Variants in IL1RAPL1 observed in about 807,000 individuals in gnomAD.
The protein encoded by IL1RAPL1 is interleukin 1 receptor accessory protein like 1.
IL1RAPL1 carries 3 observed loss-of-function variants against 48.4 expected under a neutral mutation model. The observed-to-expected ratio is 0.06, with a 90% CI of 0.03 to 0.16. The LOEUF is 0.16. IL1RAPL1 is among the 10% of genes least tolerant of loss of function. The probability of loss-of-function intolerance (pLI) is 1.00; values close to 1 mark genes in which losing one functional copy is unlikely to be tolerated. For missense variants in IL1RAPL1, 349 were observed against 530.6 expected (o/e 0.66, Z 3.36); for synonymous variants, 185 against 187.7 (o/e 0.99, Z 0.12).
At chrX:28,706,872 T>C (rs930364464) in intron 1 of IL1RAPL1, among the ~76,000 whole-genome samples, 2 of 112,167 alleles carry the variant, frequency 1.8e-5, no homozygotes, top group Admixed American at 9.5e-5. Context: ...TGTACGTTTT[T>C]GGGGGCCAGA....
At chrX:29,838,808 G>A (rs1453368448) in intron 6 of IL1RAPL1, among the ~76,000 whole-genome samples, 2 of 111,861 alleles carry the variant, frequency 1.8e-5, no homozygotes, top group East Asian at 5.6e-4. Flanking sequence ...AAGACAATTT[G>A]GGGTGGGCTC....
At chrX:29,294,861 T>C (rs1422046196) in intron 3 of IL1RAPL1, among the ~76,000 whole-genome samples, 1 of 111,283 alleles carries the variant, frequency 9.0e-6, no homozygotes, top group Non-Finnish European at 1.9e-5. Flanking sequence ...GGGCTTTCTG[T>C]AGGTGATAGT....
chrX:29,470,908 T>C (rs1481357888), intron 5 of IL1RAPL1, among the ~76,000 whole-genome samples: 2 of 112,010 alleles, frequency 1.8e-5, no homozygotes, highest in Non-Finnish European at 3.8e-5. Flanking sequence ...GCCTGGTTTA[T>C]TGACATGAGC....
At chrX:29,621,580 T>C (rs1188505882) in intron 5 of IL1RAPL1, among the ~76,000 whole-genome samples, 2 of 111,387 alleles carry the variant, frequency 1.8e-5, no homozygotes, top group Non-Finnish European at 3.8e-5. Context: ...TTCATACTTA[T>C]GGGAGAAGTG....
intron 2 of IL1RAPL1, among the ~76,000 whole-genome samples, chrX:29,256,882 C>T: frequency 9.0e-6 from 1 of 111,044 alleles, no homozygotes; most frequent in African/African-American, 3.3e-5. Flanking sequence ...TTGAGGAGAC[C>T]TTAGGCTGAG....
At chrX:29,593,569 C>T (rs888285915) in intron 5 of IL1RAPL1, among the ~76,000 whole-genome samples, 1 of 111,549 alleles carries the variant, frequency 9.0e-6, no homozygotes, top group Non-Finnish European at 1.9e-5. Flanking sequence ...AGTTGTATCT[C>T]CTTTCATGTT....
intron 2 of IL1RAPL1, among the ~76,000 whole-genome samples, chrX:29,056,464 T>G (rs1927216161): frequency 8.9e-6 from 1 of 111,775 alleles, no homozygotes; most frequent in South Asian, 3.7e-4. Flanking sequence ...AAATCTTTCA[T>G]ATACGTGTTT....
chrX:28,604,719 CAA>C (rs778056286), intron 1 of IL1RAPL1, among the ~76,000 whole-genome samples: 9 of 27,967 alleles, frequency 3.2e-4, no homozygotes, highest in Middle Eastern at 0.019. Flanking sequence ...GAGCGAGACT[CAA>C]AAAAAAAAAA....
intron 3 of IL1RAPL1, among the ~76,000 whole-genome samples, chrX:29,360,025 G>T (rs992597031): frequency 2.7e-5 from 3 of 111,478 alleles, no homozygotes; most frequent in Non-Finnish European, 5.6e-5. Context: ...TATATGAGGG[G>T]GTGGGGAGCT....
intron 5 of IL1RAPL1, among the ~76,000 whole-genome samples, chrX:29,432,924 G>A (rs1464389194): frequency 1.8e-5 from 2 of 111,151 alleles, no homozygotes; most frequent in Non-Finnish European, 3.8e-5. Flanking sequence ...TGTACATGTG[G>A]AAAATAAGAC....
chrX:29,232,924 T>G (rs1931227180), intron 2 of IL1RAPL1, among the ~76,000 whole-genome samples: 1 of 109,850 alleles, frequency 9.1e-6, no homozygotes, highest in South Asian at 3.9e-4. Context: ...TCGGCCTCCC[T>G]TGGAGCTGGG....
intron 6 of IL1RAPL1, among the ~76,000 whole-genome samples, chrX:29,715,297 A>G (rs762694792): frequency 9.0e-6 from 1 of 111,532 alleles, no homozygotes; most frequent in Admixed American, 9.6e-5. Context: ...GCTTATTAAA[A>G]CAAAAGACTG....
intron 1 of IL1RAPL1, among the ~76,000 whole-genome samples, chrX:28,743,698 C>T (rs1030765729): frequency 9.1e-6 from 1 of 109,621 alleles, no homozygotes; most frequent in African/African-American, 3.3e-5. Flanking sequence ...TAGTCTTCTC[C>T]ATCACCGATT....
intron 5 of IL1RAPL1, among the ~76,000 whole-genome samples, chrX:29,434,128 TTTTA>T (rs1218265203): frequency 9.1e-6 from 1 of 110,344 alleles, no homozygotes; most frequent in Non-Finnish European, 1.9e-5. Context: ...AATTTCCAGT[TTTTA>T]TTTATCATAA....
intron 2 of IL1RAPL1, among the ~76,000 whole-genome samples, chrX:29,015,601 C>T (rs1395039588): frequency 9.0e-6 from 1 of 111,133 alleles, no homozygotes; most frequent in East Asian, 2.8e-4. Context: ...TTGGGGAATT[C>T]CTGAGATTTC....
intron 3 of IL1RAPL1, among the ~76,000 whole-genome samples, chrX:29,336,738 T>C (rs1933002375): frequency 9.0e-6 from 1 of 111,230 alleles, no homozygotes; most frequent in Non-Finnish European, 1.9e-5. Context: ...TGTTACCAGA[T>C]TGAGGGGGGA....
chrX:28,951,730 A>T (rs915919889), intron 2 of IL1RAPL1, among the ~76,000 whole-genome samples: 1 of 111,609 alleles, frequency 9.0e-6, no homozygotes, highest in Non-Finnish European at 1.9e-5. Context: ...AATTGAGAAA[A>T]ATAAAAAAGT....
At chrX:29,662,126 C>A (rs570347872) in intron 5 of IL1RAPL1, among the ~76,000 whole-genome samples, 6 of 112,089 alleles carry the variant, frequency 5.4e-5, no homozygotes, top group African/African-American at 1.9e-4. Context: ...GCCCTTCCTG[C>A]ATTGGCCAGT....
intron 3 of IL1RAPL1, among the ~76,000 whole-genome samples, chrX:29,381,828 AAAAAAATAT>A (rs1296506097): frequency 4.8e-3 from 191 of 39,683 alleles, no homozygotes; most frequent in African/African-American, 0.012. Context: ...AAAAAAAAAA[AAAAAAATAT>A]ATATATATAT....
Sources: allele counts gnomAD v4.1 joint callset (sites outside exome capture counted in the v4.1 genomes callset), GRCh38; gene constraint gnomAD v4.1.1; transcripts MANE v1.5; gene names NCBI Gene and HGNC (gene_info 2026-07-23, HGNC 2026-07-21).